Variants in RNF17 observed in about 807,000 individuals in gnomAD.
RNF17 encodes the protein ring finger protein 17, also known as spermatogenesis associated 23.
A neutral mutation model predicts 200.5 loss-of-function variants in RNF17; 31 were observed. The observed-to-expected ratio is 0.15, with a 90% CI of 0.12 to 0.21. The LOEUF is 0.21. RNF17 is among the 10% of genes least tolerant of loss of function. RNF17 has a pLI of 1.00. For synonymous variants in RNF17, 606 were observed against 637.8 expected (o/e 0.95, Z 0.75); for missense variants, 1,628 against 1,905.1 (o/e 0.85, Z 2.71).
upstream of RNF17, among the ~76,000 whole-genome samples, chr13:24,762,369 TAA>T (rs370600110): frequency 7.9e-5 from 9 of 113,898 alleles, no homozygotes; most frequent in African/African-American, 2.3e-4. Context: ...ACTCCATTTC[TAA>T]AAAAAAAAAA....
upstream of RNF17, among the ~76,000 whole-genome samples, chr13:24,762,291 A>G (rs1273898268): frequency 1.0e-4 from 15 of 148,470 alleles, 1 homozygote; most frequent in Admixed American, 1.0e-3. Flanking sequence ...AATTGCTTGA[A>G]CCCGGAGACC....
intron 1 of RNF17, among the ~76,000 whole-genome samples, chr13:24,766,971 C>G (rs892011729): frequency 8.5e-5 from 13 of 152,208 alleles, no homozygotes; most frequent in East Asian, 7.7e-4. Context: ...TAGTAGGTAT[C>G]TTTTCCTGTA....
upstream of RNF17, chr13:24,764,034 A>C: frequency 1.8e-6 from 1 of 564,114 alleles, no homozygotes; most frequent in Non-Finnish European, 3.1e-6. Context: ...GGTACCTCCC[A>C]GGATAACGGA....
chr13:24,775,528 G>C (rs2137517140), intron 3 of RNF17, among the ~76,000 whole-genome samples: 1 of 152,264 alleles, frequency 6.6e-6, no homozygotes, highest in Non-Finnish European at 1.5e-5. Flanking sequence ...TGGAATTACA[G>C]CCGTGAGCCA....
intron 4 of RNF17, among the ~76,000 whole-genome samples, chr13:24,778,961 G>C (rs116143918): frequency 6.6e-6 from 1 of 152,162 alleles, no homozygotes; most frequent in Non-Finnish European, 1.5e-5. Context: ...GACCAAGATG[G>C]GTAGATCACT....
intron 18 of RNF17, among the ~76,000 whole-genome samples, chr13:24,832,484 C>T (rs916075652): frequency 1.3e-5 from 2 of 152,114 alleles, no homozygotes; most frequent in African/African-American, 2.4e-5. Context: ...TGTAACATAA[C>T]AAGTTCTGAA....
intron 2 of RNF17, among the ~76,000 whole-genome samples, chr13:24,769,428 T>A (rs1462863770): frequency 1.3e-5 from 2 of 152,198 alleles, no homozygotes; most frequent in Non-Finnish European, 2.9e-5. Flanking sequence ...CACACCCACC[T>A]ACTGTTAGCC....
chr13:24,772,426 A>ATTTTTTTTTTTTTT (rs34066913), intron 2 of RNF17, among the ~76,000 whole-genome samples: 56 of 106,010 alleles, frequency 5.3e-4, no homozygotes, highest in Non-Finnish European at 7.3e-4. Flanking sequence ...TTGAGTCTCC[A>ATTTTTTTTTTTTTT]TTTTTTTTTT....
intron 6 of RNF17, among the ~76,000 whole-genome samples, chr13:24,784,242 C>T (rs1882801838): frequency 6.6e-6 from 1 of 152,138 alleles, no homozygotes; most frequent in South Asian, 2.1e-4. Context: ...GTGTATAATT[C>T]TCTTACTATG....
chr13:24,756,878 A>G, the RNF17 span, among the ~76,000 whole-genome samples: 1 of 152,208 alleles, frequency 6.6e-6, no homozygotes, highest in Admixed American at 6.5e-5. Context: ...TCAGCGAGGT[A>G]GCAGTGAAAG....
intron 3 of RNF17, 50 bp from the exon 4 acceptor site, chr13:24,778,245 G>T: frequency 7.7e-7 from 1 of 1,292,776 alleles, no homozygotes; most frequent in South Asian, 1.2e-5. Context: ...CTGGGTGACA[G>T]AGAAAGATCC....
At chr13:24,883,054 TTTTA>T (rs1186248977), downstream of RNF17, 11 of 897,048 alleles carry the variant, frequency 1.2e-5, no homozygotes, top group East Asian at 2.2e-4. Context: ...CAGGGTAAAC[TTTTA>T]TTTTAGAATC....
chr13:24,837,235 A>T (rs763502815), intron 18 of RNF17, among the ~76,000 whole-genome samples: 1 of 152,186 alleles, frequency 6.6e-6, no homozygotes, highest in Non-Finnish European at 1.5e-5. Flanking sequence ...AACAATTACT[A>T]ATAGACCTGA....
intron 3 of RNF17, among the ~76,000 whole-genome samples, chr13:24,775,330 G>A (rs1000425232): frequency 4.6e-5 from 7 of 152,064 alleles, no homozygotes; most frequent in Non-Finnish European, 5.9e-5. Flanking sequence ...GCTCACTGCC[G>A]CCTCAGACTC....
At chr13:24,885,282 A>G in the RNF17 span, 1 of 1,591,152 alleles carries the variant, frequency 6.3e-7, no homozygotes, top group South Asian at 1.1e-5. Context: ...TAACCTTTCC[A>G]TCAGGATGAC....
intron 17 of RNF17, among the ~76,000 whole-genome samples, chr13:24,831,225 G>C (rs1360259746): frequency 6.6e-6 from 1 of 152,060 alleles, no homozygotes; most frequent in Non-Finnish European, 1.5e-5. Context: ...GGGATCATGA[G>C]GTCAGGAGTT....
At chr13:24,816,618 T>C (rs1418525955) in intron 15 of RNF17, among the ~76,000 whole-genome samples, 2 of 152,262 alleles carry the variant, frequency 1.3e-5, no homozygotes, top group Non-Finnish European at 2.9e-5. Flanking sequence ...TTCACTCTTA[T>C]CTGTGATTAA....
chr13:24,793,659 G>T (rs1304507488), intron 10 of RNF17, among the ~76,000 whole-genome samples: 1 of 152,152 alleles, frequency 6.6e-6, no homozygotes, highest in Non-Finnish European at 1.5e-5. Flanking sequence ...AGAGAGATGT[G>T]ATTTGTGGAC....
rs879338225 is a variant in RNF17, at chr13:24,811,328, G to A, written c.2091+6899G>A. 2.2e-3 allele frequency among the ~76,000 whole-genome samples: 335 copies of A among 152,000 alleles called. 3 individuals carry two copies. Among genetic ancestry groups the A allele is most frequent in the Middle Eastern group, 0.01 (3 of 294 alleles). ...TCACATAGTCCCATATTTCTTGGAG[G>A]CTTTGTTCATTTCTTTTTATTCTTT... is the stretch of plus-strand genomic sequence containing the variant. On this transcript the variant is annotated intron_variant, in intron 15 of 35. Coordinates refer to ENST00000255324, the MANE Select transcript of RNF17 (RefSeq NM_031277.3).
Sources: allele counts gnomAD v4.1 joint callset (sites outside exome capture counted in the v4.1 genomes callset), GRCh38; gene constraint gnomAD v4.1.1; transcripts MANE v1.5; gene names NCBI Gene and HGNC (gene_info 2026-07-23, HGNC 2026-07-21).